The following DENND5B variants were observed in gnomAD, a reference collection of about 807,000 sequenced individuals.
DENND5B encodes DENN domain containing 5B.
DENND5B carries 34 observed loss-of-function variants against 140.6 expected under a neutral mutation model. The observed-to-expected ratio is 0.24, with a 90% CI of 0.18 to 0.32. The LOEUF (loss-of-function observed/expected upper bound fraction) is 0.32, where lower values mean the gene tolerates loss of function less well. Ranked by LOEUF, DENND5B falls within the 10% of genes least tolerant of loss-of-function variation. The probability of loss-of-function intolerance (pLI) is 1.00; values close to 1 mark genes in which losing one functional copy is unlikely to be tolerated. For synonymous variants in DENND5B, 551 were observed against 562.1 expected, an observed-to-expected ratio of 0.98 and a Z score of 0.28; for missense variants, 1,142 against 1,560.2, an observed-to-expected ratio of 0.73 and a Z score of 4.52.
intron 8 of DENND5B, among the ~76,000 whole-genome samples, chr12:31,430,187 T>A (rs1461354948): frequency 1.3e-5 from 2 of 150,776 alleles, no homozygotes; most frequent in East Asian, 4.0e-4. Flanking sequence ...CACACCCGGC[T>A]AGTTTTTGTA....
chr12:31,471,613 G>A (rs11051441), intron 3 of DENND5B, among the ~76,000 whole-genome samples: 85,985 of 151,608 alleles, frequency 0.57, 24,832 homozygotes, highest in East Asian at 0.82. Context: ...GCCCTCAACA[G>A]AAACCAGGGG....
intron 2 of DENND5B, among the ~76,000 whole-genome samples, chr12:31,491,359 A>G (rs551562514): frequency 6.6e-6 from 1 of 152,292 alleles, no homozygotes; most frequent in South Asian, 2.1e-4. Flanking sequence ...AGGCTGAAGC[A>G]TGAGAATCAC....
At chr12:31,495,755 A>G (rs573016655) in intron 2 of DENND5B, 55 bp downstream of exon 2, 13 of 1,289,386 alleles carry the variant, frequency 1.0e-5, no homozygotes, top group East Asian at 7.1e-5. Context: ...CTACCTTCAT[A>G]TTAATAAAGT....
At position 31,400,989 on chromosome 12, in the gene DENND5B, T is replaced by C. The variant is rs564855363; in HGVS notation, c.2950-1217A>G. Reference sequence around the variant, plus strand: ...TCCCGAGAAGCTGGGATTACAGGCATGTGCCACCATGCCCGGCTAATTTTT... The same window carrying C: ...TCCCGAGAAGCTGGGATTACAGGCACGTGCCACCATGCCCGGCTAATTTTT... On this transcript the variant is annotated intron_variant, in intron 15 of 20. Coordinates refer to ENST00000389082, the MANE Select transcript of DENND5B (RefSeq NM_144973.4). Among the ~76,000 whole-genome samples the C allele has an allele frequency of 3.3e-5, 5 of 152,042 alleles. No individual in the cohort carries two copies. The East Asian group carries it at 9.6e-4, about 29-fold the overall frequency.
At chr12:31,511,365 A>G (rs1188052294) in intron 1 of DENND5B, among the ~76,000 whole-genome samples, 2 of 152,208 alleles carry the variant, frequency 1.3e-5, no homozygotes, top group Non-Finnish European at 1.5e-5. Context: ...TTATGGTCCA[A>G]TATTTTAAAA....
chr12:31,415,253 G>C (rs1942668695), intron 12 of DENND5B, 114 bp downstream of exon 12: 2 of 745,412 alleles, frequency 2.7e-6, no homozygotes, highest in African/African-American at 3.6e-5. Context: ...GCTTTCTTCA[G>C]AATACATAAG....
intron 19 of DENND5B, among the ~76,000 whole-genome samples, chr12:31,390,977 C>G (rs1941110294): frequency 6.6e-6 from 1 of 151,752 alleles, no homozygotes; most frequent in Non-Finnish European, 1.5e-5. Context: ...GATGGGGCCA[C>G]TGCACTCCAG....
At chr12:31,462,712 A>G (rs1945075965) in intron 3 of DENND5B, among the ~76,000 whole-genome samples, 1 of 152,184 alleles carries the variant, frequency 6.6e-6, no homozygotes, top group Non-Finnish European at 1.5e-5. Flanking sequence ...TGATCCCAGT[A>G]CTTTGGGAGA....
At chr12:31,410,801 A>G (rs2137535111) in intron 13 of DENND5B, among the ~76,000 whole-genome samples, 1 of 152,310 alleles carries the variant, frequency 6.6e-6, no homozygotes, top group Non-Finnish European at 1.5e-5. Flanking sequence ...CAATATTTGA[A>G]CACAAGCATT....
chr12:31,517,028 A>C (rs2351923), intron 1 of DENND5B, among the ~76,000 whole-genome samples: 63,979 of 151,850 alleles, frequency 0.42, 13,841 homozygotes, highest in Admixed American at 0.57. Context: ...TCCTGAATTC[A>C]ACAAATGTTA....
In DENND5B at chr12:31,524,614, T is replaced by C. The variant is rs568388950; in HGVS notation, c.128-28695A>G. ...GTTGCAGTGACCTGAGACTGCACCA[T>C]TGCACTCCAGCCTCGGCGACAGAGC... is the stretch of plus-strand genomic sequence containing the variant. On this transcript the variant is annotated intron_variant, in intron 1 of 20. Transcript: ENST00000389082. Among the ~76,000 whole-genome samples, 12 of 152,142 alleles carry C rather than the reference T, an allele frequency of 7.9e-5. No individual in the cohort carries two copies. The South Asian group carries it at 1.5e-3, about 18-fold the overall frequency.
intron 1 of DENND5B, among the ~76,000 whole-genome samples, chr12:31,496,274 C>G (rs915184258): frequency 1.3e-5 from 2 of 152,134 alleles, no homozygotes; most frequent in African/African-American, 2.4e-5. Context: ...TTACATTAAG[C>G]TAATCATATG....
chr12:31,538,330 T>C (rs534339692), intron 1 of DENND5B, among the ~76,000 whole-genome samples: 12 of 152,174 alleles, frequency 7.9e-5, no homozygotes, highest in Non-Finnish European at 8.8e-5. Flanking sequence ...CTGACCACAA[T>C]AGAATAAAAC....
chr12:31,412,493 T>C (rs986749454), intron 13 of DENND5B, among the ~76,000 whole-genome samples: 1 of 152,190 alleles, frequency 6.6e-6, no homozygotes, highest in Non-Finnish European at 1.5e-5. Flanking sequence ...GCACATAACC[T>C]AGATCCCTCA....
chr12:31,523,059 C>T (rs1947957164), intron 1 of DENND5B, among the ~76,000 whole-genome samples: 1 of 143,684 alleles, frequency 7.0e-6, no homozygotes, highest in Non-Finnish European at 1.5e-5. Context: ...CTTTTTTTTT[C>T]CTTTTTTTTT....
At chr12:31,470,648 T>A (rs1322499328) in intron 3 of DENND5B, among the ~76,000 whole-genome samples, 1 of 152,188 alleles carries the variant, frequency 6.6e-6, no homozygotes, top group East Asian at 1.9e-4. Context: ...GCATCAGAAG[T>A]GAGGACAGTC....
At chr12:31,497,116 A>C (rs1463026900) in intron 1 of DENND5B, among the ~76,000 whole-genome samples, 5 of 152,076 alleles carry the variant, frequency 3.3e-5, no homozygotes, top group African/African-American at 9.7e-5. Flanking sequence ...AAAAAAAAAA[A>C]CCACCTTGGA....
At chr12:31,483,235 A>G (rs1946138765) in intron 2 of DENND5B, among the ~76,000 whole-genome samples, 1 of 152,210 alleles carries the variant, frequency 6.6e-6, no homozygotes, top group Non-Finnish European at 1.5e-5. Flanking sequence ...GGCTGCTGAG[A>G]GTGCCTATAC....
At position 31,550,634 on chromosome 12, in the gene DENND5B, T is replaced by C. The variant is rs372841250; in HGVS notation, c.127+40072A>G. 5.3e-5 allele frequency among the ~76,000 whole-genome samples: 8 copies of C among 152,080 alleles called. No homozygotes were observed. The East Asian group carries it at 5.8e-4, about 11-fold the overall frequency. ...TTCTAGTTCTAGATCCCTGAGGAATTGCCACACTGACTTCCACAATGGTTG... is the reference window on the plus strand; with the variant it reads ...TTCTAGTTCTAGATCCCTGAGGAATCGCCACACTGACTTCCACAATGGTTG... On this transcript the variant is annotated intron_variant, in intron 1 of 20. Coordinates refer to ENST00000389082, the MANE Select transcript of DENND5B (RefSeq NM_144973.4).
Sources: allele counts gnomAD v4.1 joint callset (sites outside exome capture counted in the v4.1 genomes callset), GRCh38; gene constraint gnomAD v4.1.1; transcripts MANE v1.5; gene names NCBI Gene and HGNC (gene_info 2026-07-23, HGNC 2026-07-21).